Variants in USH2A observed in about 807,000 individuals in gnomAD.
The protein encoded by USH2A is Usher syndrome 2A (autosomal recessive, mild).
USH2A carries 443 observed loss-of-function variants against 538.9 expected under a neutral mutation model. That is an observed-to-expected ratio of 0.82 (90% confidence interval 0.76 to 0.89). USH2A has a LOEUF of 0.89. Among genes scored for constraint, USH2A ranks in the 40% least tolerant of loss-of-function variants. USH2A has a pLI of 0.00. For missense variants in USH2A, 6,633 were observed against 6,324.8 expected, an observed-to-expected ratio of 1.05 and a Z score of -1.65; for synonymous variants, 2,413 against 2,273.5, an observed-to-expected ratio of 1.06 and a Z score of -1.75.
intron 44 of USH2A, among the ~76,000 whole-genome samples, chr1:215,854,585 G>T (rs945127439): frequency 1.3e-5 from 2 of 152,166 alleles, no homozygotes; most frequent in Non-Finnish European, 2.9e-5. Flanking sequence ...AAAAGAAAGA[G>T]AAAAGAGAAT....
intron 11 of USH2A, among the ~76,000 whole-genome samples, chr1:216,259,831 A>C (rs926259217): frequency 6.6e-6 from 1 of 152,134 alleles, no homozygotes; most frequent in Non-Finnish European, 1.5e-5. Flanking sequence ...AGCAATTTTA[A>C]CAAGTAAAAC....
chr1:215,655,779 A>G (rs1165414170), intron 64 of USH2A, among the ~76,000 whole-genome samples: 1 of 143,928 alleles, frequency 6.9e-6, no homozygotes, highest in Non-Finnish European at 1.5e-5. Context: ...TCTTTCACCA[A>G]CGCTGGAATG....
chr1:215,714,785 GAAT>G (rs1659435234), intron 61 of USH2A, among the ~76,000 whole-genome samples: 1 of 152,150 alleles, frequency 6.6e-6, no homozygotes, highest in Non-Finnish European at 1.5e-5. Context: ...CAGTTTTAGA[GAAT>G]AAAACATCAA....
chr1:215,978,701 A>G (rs1228299233), intron 35 of USH2A, among the ~76,000 whole-genome samples: 2 of 152,152 alleles, frequency 1.3e-5, no homozygotes, highest in East Asian at 1.9e-4. Flanking sequence ...TAGGTACAGG[A>G]CCCTCTAGCA....
At position 216,369,335 on chromosome 1, in the gene USH2A, T is replaced by C. The variant is rs371498333; in HGVS notation, c.652-4250A>G. Among the ~76,000 whole-genome samples the C allele has an allele frequency of 1.2e-4, 18 of 152,250 alleles. 1 individual carries two copies. Among genetic ancestry groups the C allele is most frequent in the Admixed American group, 3.9e-4 (6 of 15,282 alleles). ...TGGAATCCCCACACATCCCATCCTA[T>C]TGCTTACCATCCTAAACCTAAGGCC... On this transcript the variant is annotated intron_variant, in intron 3 of 71. Coordinates refer to ENST00000307340, the MANE Select transcript of USH2A (RefSeq NM_206933.4).
At chr1:216,250,177 C>T (rs958168484) in intron 12 of USH2A, among the ~76,000 whole-genome samples, 1 of 151,940 alleles carries the variant, frequency 6.6e-6, no homozygotes, top group African/African-American at 2.4e-5. Flanking sequence ...GGCGGTGGTT[C>T]CCCTCAAAAA....
At chr1:215,749,833 C>A (rs1414443208) in intron 58 of USH2A, among the ~76,000 whole-genome samples, 1 of 152,102 alleles carries the variant, frequency 6.6e-6, no homozygotes, top group Non-Finnish European at 1.5e-5. Flanking sequence ...CACTAAAGAA[C>A]AAGGATTTCG....
At chr1:216,264,447 G>A (rs535928676) in intron 11 of USH2A, among the ~76,000 whole-genome samples, 5 of 152,054 alleles carry the variant, frequency 3.3e-5, no homozygotes, top group South Asian at 4.1e-4. Context: ...ACAGGTGCCC[G>A]CCACCATGCT....
At chr1:215,809,331 G>T (rs770474229) in intron 49 of USH2A, among the ~76,000 whole-genome samples, 1 of 151,940 alleles carries the variant, frequency 6.6e-6, no homozygotes. Flanking sequence ...TCTACATGGC[G>T]AAAGCCAATA....
intron 32 of USH2A, among the ~76,000 whole-genome samples, chr1:216,036,143 C>A (rs1162615304): frequency 6.6e-6 from 1 of 151,986 alleles, no homozygotes; most frequent in Middle Eastern, 3.2e-3. Context: ...GACGATCAAC[C>A]TGATTAAATA....
intron 13 of USH2A, among the ~76,000 whole-genome samples, chr1:216,243,224 A>T (rs2035970116): frequency 6.6e-6 from 1 of 152,170 alleles, no homozygotes. Flanking sequence ...CCAAGAAGGG[A>T]TTTTGTGCAT....
Position 215,810,633 on chromosome 1 carries a change from A to C in USH2A, c.9739+3103T>G, listed in dbSNP as rs1324341306. 3.3e-5 allele frequency among the ~76,000 whole-genome samples: 5 copies of C among 152,318 alleles called. No homozygotes were observed. In the East Asian group the frequency reaches 9.7e-4, roughly 29 times the overall value. On this transcript the variant is annotated intron_variant, in intron 49 of 71. Coordinates refer to ENST00000307340, the MANE Select transcript of USH2A (RefSeq NM_206933.4). ...AGGAATTGAACAACACAAAACGTCC[A>C]TCTGATCACTGTAATTATAATTTTA... is the stretch of plus-strand genomic sequence containing the variant.
intron 21 of USH2A, among the ~76,000 whole-genome samples, chr1:216,143,829 A>G (rs547298847): frequency 6.6e-6 from 1 of 152,314 alleles, no homozygotes; most frequent in African/African-American, 2.4e-5. Flanking sequence ...TTGATTTTCC[A>G]GGACCAAATC....
intron 11 of USH2A, among the ~76,000 whole-genome samples, chr1:216,286,074 C>A (rs1473187626): frequency 6.6e-6 from 1 of 152,046 alleles, no homozygotes; most frequent in African/African-American, 2.4e-5. Flanking sequence ...CTGTGGGGGA[C>A]TCTTGGAAGG....
chr1:215,638,031 G>A (rs989992363), intron 69 of USH2A, among the ~76,000 whole-genome samples: 6 of 152,106 alleles, frequency 3.9e-5, no homozygotes, highest in South Asian at 2.1e-4. Flanking sequence ...AATTGTACCC[G>A]TTGAGCTAAA....
At chr1:216,073,873 A>G (rs1198717687) in intron 27 of USH2A, among the ~76,000 whole-genome samples, 1 of 152,256 alleles carries the variant, frequency 6.6e-6, no homozygotes, top group Non-Finnish European at 1.5e-5. Flanking sequence ...TATAGAATTT[A>G]GCCCGAGTTA....
chr1:215,828,946 C>T (rs1369396738), intron 47 of USH2A, among the ~76,000 whole-genome samples: 5 of 152,088 alleles, frequency 3.3e-5, no homozygotes, highest in Non-Finnish European at 5.9e-5. Context: ...AGACCCAGCC[C>T]GTTATCTTCA....
intron 15 of USH2A, among the ~76,000 whole-genome samples, chr1:216,209,323 G>T (rs528832962): frequency 5.3e-4 from 80 of 152,262 alleles, no homozygotes; most frequent in African/African-American, 1.8e-3. Context: ...TTTTCCACCT[G>T]CCCTCCAGAT....
chr1:215,938,001 T>C (rs1246030088), intron 37 of USH2A, among the ~76,000 whole-genome samples: 1 of 152,112 alleles, frequency 6.6e-6, no homozygotes, highest in Non-Finnish European at 1.5e-5. Context: ...AGCACTTCAT[T>C]CTAAGCTTCC....
Sources: gnomAD v4.1 joint callset for allele counts (sites outside exome capture counted in the v4.1 genomes callset) on GRCh38, gnomAD v4.1.1 for gene constraint, MANE v1.5 for transcripts, NCBI Gene and HGNC (gene_info 2026-07-23, HGNC 2026-07-21) for gene names.